RBFOX1: variants seen among roughly 807,000 people sequenced by gnomAD.
RBFOX1 encodes RNA binding fox-1 homolog 1.
In RBFOX1, 8 loss-of-function variants were observed where a neutral mutation model predicts 57.7. The observed-to-expected ratio is 0.14, with a 90% CI of 0.08 to 0.25. RBFOX1 has a LOEUF of 0.25. RBFOX1 is among the 10% of genes least tolerant of loss of function. The pLI is 1.00. For missense variants in RBFOX1, 611 were observed against 548.5 expected (o/e 1.11, Z -1.14); for synonymous variants, 326 against 222.4 (o/e 1.47, Z -4.15).
intron 3 of RBFOX1, among the ~76,000 whole-genome samples, chr16:5,727,345 C>T (rs551312259): frequency 1.3e-5 from 2 of 152,086 alleles, no homozygotes; most frequent in Non-Finnish European, 2.9e-5. Flanking sequence ...TTTCTTCTAG[C>T]TTTATTGAGC....
intron 1 of RBFOX1, among the ~76,000 whole-genome samples, chr16:6,292,327 C>T (rs1014644803): frequency 6.6e-6 from 1 of 150,656 alleles, no homozygotes; most frequent in African/African-American, 2.4e-5. Context: ...TCTGGTGGAA[C>T]TACCACCAAT....
intron 3 of RBFOX1, among the ~76,000 whole-genome samples, chr16:6,862,279 T>G (rs1333790874): frequency 6.6e-6 from 1 of 152,152 alleles, no homozygotes; most frequent in Non-Finnish European, 1.5e-5. Context: ...ATTTTAATTC[T>G]GTAGGTCTGG....
intron 3 of RBFOX1, among the ~76,000 whole-genome samples, chr16:7,042,082 A>G (rs2153708769): frequency 6.6e-6 from 1 of 152,342 alleles, no homozygotes; most frequent in Middle Eastern, 3.4e-3. Flanking sequence ...TTGATATCAG[A>G]GAAATCTAAT....
chr16:5,652,824 C>G (rs2049284332), intron 3 of RBFOX1, among the ~76,000 whole-genome samples: 1 of 152,238 alleles, frequency 6.6e-6, no homozygotes, highest in Admixed American at 6.5e-5. Flanking sequence ...GCCACCTTAT[C>G]TTTGTAAGCT....
At chr16:6,660,638 T>C (rs911148124) in intron 3 of RBFOX1, among the ~76,000 whole-genome samples, 1 of 152,182 alleles carries the variant, frequency 6.6e-6, no homozygotes, top group African/African-American at 2.4e-5. Flanking sequence ...CTTCATCTGC[T>C]TATCTTTAAA....
chr16:6,443,869 T>C (rs1435986179), intron 2 of RBFOX1, among the ~76,000 whole-genome samples: 2 of 152,012 alleles, frequency 1.3e-5, no homozygotes, highest in East Asian at 3.9e-4. Flanking sequence ...CATCCATCCA[T>C]CCCTCCATCC....
At chr16:7,627,863 C>A (rs8044932) in intron 10 of RBFOX1, among the ~76,000 whole-genome samples, 25,438 of 151,686 alleles carry the variant, frequency 0.17, 3,799 homozygotes, top group African/African-American at 0.41. Flanking sequence ...AAACCAAGTC[C>A]TGTGAAGGCA....
chr16:5,289,349 G>A (rs2063479334), intron 1 of RBFOX1: 2 of 403,958 alleles, frequency 5.0e-6, no homozygotes, highest in East Asian at 5.3e-5. Context: ...ACCCCAGGAG[G>A]AGGAGGAGGG....
chr16:6,632,316 A>C (rs2098394843), intron 2 of RBFOX1, among the ~76,000 whole-genome samples: 1 of 152,020 alleles, frequency 6.6e-6, no homozygotes, highest in Non-Finnish European at 1.5e-5. Flanking sequence ...ACCAGTTGTA[A>C]TAAAGATAGC....
At chr16:7,221,735 A>G (rs993485969) in intron 4 of RBFOX1, among the ~76,000 whole-genome samples, 4 of 152,174 alleles carry the variant, frequency 2.6e-5, no homozygotes, top group Non-Finnish European at 5.9e-5. Context: ...TCAAAATTTC[A>G]GTGTGGTTAT....
intron 3 of RBFOX1, among the ~76,000 whole-genome samples, chr16:6,921,641 ATATATTTTT>A (rs1186505184): frequency 1.1e-5 from 1 of 88,770 alleles, no homozygotes; most frequent in African/African-American, 5.4e-5. Context: ...ATATATATAT[ATATATTTTT>A]TTTTTTCTTA....
intron 3 of RBFOX1, among the ~76,000 whole-genome samples, chr16:6,868,338 C>A (rs2060288399): frequency 6.6e-6 from 1 of 152,022 alleles, no homozygotes; most frequent in African/African-American, 2.4e-5. Context: ...GTGGATTCAT[C>A]TATGATAAGT....
At chr16:6,524,667 A>G (rs913575001) in intron 2 of RBFOX1, among the ~76,000 whole-genome samples, 1 of 152,180 alleles carries the variant, frequency 6.6e-6, no homozygotes, top group African/African-American at 2.4e-5. Flanking sequence ...CTAGAGGCTT[A>G]AAGTCTGAAA....
At chr16:7,168,452 C>G (rs2080020674) in intron 4 of RBFOX1, among the ~76,000 whole-genome samples, 2 of 152,110 alleles carry the variant, frequency 1.3e-5, no homozygotes, top group South Asian at 2.1e-4. Context: ...ATTCGTGAAC[C>G]TCATTGGCGA....
At chr16:6,371,203 A>T (rs1027027743) in intron 2 of RBFOX1, among the ~76,000 whole-genome samples, 1 of 152,120 alleles carries the variant, frequency 6.6e-6, no homozygotes, top group Non-Finnish European at 1.5e-5. Flanking sequence ...ATGGTTTTAG[A>T]CTTTTAAAAT....
chr16:7,629,691 A>G (rs1596854743), intron 10 of RBFOX1, among the ~76,000 whole-genome samples: 1 of 152,208 alleles, frequency 6.6e-6, no homozygotes, highest in Non-Finnish European at 1.5e-5. Flanking sequence ...TGGTTGTTCA[A>G]AATCTGTCAT....
intron 1 of RBFOX1, among the ~76,000 whole-genome samples, chr16:6,090,335 C>G (rs1274432905): frequency 6.6e-6 from 1 of 152,166 alleles, no homozygotes; most frequent in Non-Finnish European, 1.5e-5. Flanking sequence ...AATATATTCA[C>G]AGGTTCCAGG....
chr16:6,372,599 T>C (rs957495858), intron 2 of RBFOX1, among the ~76,000 whole-genome samples: 1 of 147,666 alleles, frequency 6.8e-6, no homozygotes, highest in Admixed American at 6.8e-5. Flanking sequence ...GATGGAAGGA[T>C]AGTTCATTGG....
chr16:7,124,509 C>T (rs1389717058), intron 4 of RBFOX1, among the ~76,000 whole-genome samples: 2 of 44,594 alleles, frequency 4.5e-5, no homozygotes, highest in Admixed American at 2.4e-4. Context: ...CGCTCCCCCT[C>T]CCCTCCCCTC....
Sources: allele counts gnomAD v4.1 joint callset (sites outside exome capture counted in the v4.1 genomes callset), GRCh38; gene constraint gnomAD v4.1.1; transcripts MANE v1.5; gene names NCBI Gene and HGNC (gene_info 2026-07-23, HGNC 2026-07-21).